PAQR3: variants seen among roughly 807,000 people sequenced by gnomAD.
PAQR3 encodes Raf kinase trapping to Golgi.
A neutral mutation model predicts 41.7 loss-of-function variants in PAQR3; 39 were observed. That is an observed-to-expected ratio of 0.93 (90% CI 0.72 to 1.22). PAQR3 has a LOEUF of 1.22. PAQR3 is among the 50% of genes most tolerant of loss of function. PAQR3 has a pLI of 0.00. For missense variants in PAQR3, 366 were observed against 385.6 expected (o/e 0.95, Z 0.42); for synonymous variants, 140 against 140.6 (o/e 1.00, Z 0.03).
chr4:78,936,801 A>G (rs141697720), intron 1 of PAQR3, among the ~76,000 whole-genome samples: 51 of 152,316 alleles, frequency 3.3e-4, no homozygotes, highest in African/African-American at 1.1e-3. Context: ...CTGAACTGAG[A>G]GGCACCACCT....
rs201178316 is a variant in PAQR3 at position 78,926,286 on chromosome 4, A to AT, written c.702+234dup. 3.7e-3 allele frequency among the ~76,000 whole-genome samples: 559 copies of AT among 151,170 alleles called. 2 individuals are homozygous for AT. The highest frequency in any genetic ancestry group is 4.7e-3 in the Non-Finnish European group (315 of 67,676). ...TAAGGGTAATAGAGAATAATAATGTATTTTTTTTTACAGAAAGACAACTCA... is the reference window on the plus strand; with the variant it reads ...TAAGGGTAATAGAGAATAATAATGTATTTTTTTTTTACAGAAAGACAACTCA... On this transcript the variant is annotated intron_variant, in intron 4 of 5. Coordinates refer to ENST00000512733, the MANE Select transcript of PAQR3 (RefSeq NM_001040202.2).
chr4:78,897,353 G>T (rs923274577), intron 11 of PAQR3, among the ~76,000 whole-genome samples: 3 of 151,926 alleles, frequency 2.0e-5, no homozygotes, highest in Admixed American at 6.6e-5. Flanking sequence ...TTAAATTATG[G>T]CTTATTTAGT....
intron 11 of PAQR3, among the ~76,000 whole-genome samples, chr4:78,892,335 T>C (rs1733483135): frequency 6.6e-6 from 1 of 152,232 alleles, no homozygotes; most frequent in Admixed American, 6.5e-5. Flanking sequence ...AAGAAATTTG[T>C]ACATTTCACT....
intron 11 of PAQR3, among the ~76,000 whole-genome samples, chr4:78,905,826 A>G (rs991308114): frequency 6.6e-6 from 1 of 151,874 alleles, no homozygotes; most frequent in Non-Finnish European, 1.5e-5. Context: ...TTTTTTTTAA[A>G]TTATAGGAAT....
Position 78,939,417 on chromosome 4 carries a change from C to G in PAQR3, c.-193G>C, listed in dbSNP as rs952575266. 14 of 280,676 alleles carry G rather than the reference C, an allele frequency of 5.0e-5. No homozygotes were observed. Among genetic ancestry groups the G allele is most frequent in the African/African-American group, 3.2e-4 (14 of 44,324 alleles). 17.4% of individuals were successfully genotyped at this position (280,676 alleles called of 1,614,324 possible). On this transcript the variant is annotated 5_prime_UTR_variant, in exon 1 of 6. Transcript: ENST00000512733. ...ACTGCCGCCAGCGCCGCGGCGGACC[C>G]GGCAGCGTCGCAGCCTCCTCTGACG... is the stretch of plus-strand genomic sequence containing the variant.
chr4:78,904,663 T>C (rs1387578415), intron 11 of PAQR3, among the ~76,000 whole-genome samples: 1 of 151,922 alleles, frequency 6.6e-6, no homozygotes, highest in African/African-American at 2.4e-5. Context: ...TTGCTCTCAT[T>C]TTCAGATAGT....
chr4:78,890,547 T>C (rs540938306), intron 11 of PAQR3, among the ~76,000 whole-genome samples: 2 of 152,348 alleles, frequency 1.3e-5, no homozygotes, highest in South Asian at 2.1e-4. Context: ...ATCTATCCCA[T>C]GATCACATTT....
intron 11 of PAQR3, among the ~76,000 whole-genome samples, chr4:78,900,430 G>T (rs1297565049): frequency 6.6e-6 from 1 of 152,158 alleles, no homozygotes; most frequent in Non-Finnish European, 1.5e-5. Context: ...GAAAGTGAAG[G>T]AAGGAGAAGG....
rs74463924 is a variant in PAQR3, at chr4:78,922,919, G to A, written c.793+938C>T. On this transcript the variant is annotated intron_variant, in intron 5 of 5. Transcript: ENST00000512733. ...AAAGTTCTCAAACAAGCAAATACAG[G>A]TTTTGGAGACTGTTGTTCACTCCAC... is the stretch of plus-strand genomic sequence containing the variant. 6.9e-4 allele frequency: 313 copies of A among 456,190 alleles called. 1 individual carries two copies. Among genetic ancestry groups the A allele is most frequent in the African/African-American group, 5.0e-3 (253 of 50,116 alleles). The allele number at this position is 456,190 out of a possible 1,614,324, so 28.3% of individuals were successfully genotyped here.
rs917959585 is a variant in PAQR3, at chr4:78,920,181, A to C, written c.*358T>G. 2.0e-6 allele frequency: 2 copies of C among 998,458 alleles called. No individual in the cohort carries two copies. The highest frequency in any genetic ancestry group is 3.5e-5 in the African/African-American group (2 of 57,744). 61.8% of individuals were successfully genotyped at this position (998,458 alleles called of 1,614,324 possible). On this transcript the variant is annotated 3_prime_UTR_variant, in exon 6 of 6. Coordinates refer to ENST00000512733, the MANE Select transcript of PAQR3 (RefSeq NM_001040202.2). ...ATTAACTGAAAATAATTAAGCACAT[A>C]AGATGACTCCATTTTCTAATGGACA...
At chr4:78,911,552 C>T, downstream of PAQR3, 2 of 1,613,980 alleles carry the variant, frequency 1.2e-6, no homozygotes, top group Admixed American at 1.7e-5. Context: ...GGCACGCCAA[C>T]TAGCACAAAG....
rs759288681 is a variant in PAQR3 at position 78,926,529 on chromosome 4, T to C, written c.694A>G (p.Ile232Val). The C allele has an allele frequency of 1.3e-5, 21 of 1,607,526 alleles. No homozygotes were observed. The highest frequency in any genetic ancestry group is 4.0e-5 in the African/African-American group (3 of 74,338). The part of the protein sequence containing the change: ...VWLNGGIGAP[I>V]VQDFAPRVIV... Reference sequence around the variant, plus strand: ...AACTACACTCAACCTACCTGTACAATAGGAGCACCAATTCCTCCATTGAGC... The same window carrying C: ...AACTACACTCAACCTACCTGTACAACAGGAGCACCAATTCCTCCATTGAGC... Residue 232 changes from isoleucine to valine, a missense_variant, in exon 4 of 6, where the codon ATT (isoleucine) becomes GTT (valine). Ile to Val is a conservative substitution (Grantham distance 29, BLOSUM62 3). Coordinates refer to ENST00000512733, the MANE Select transcript of PAQR3 (RefSeq NM_001040202.2).
chr4:78,910,259 G>A (rs1470520419), downstream of PAQR3, among the ~76,000 whole-genome samples: 1 of 152,206 alleles, frequency 6.6e-6, no homozygotes, highest in Non-Finnish European at 1.5e-5. Flanking sequence ...TGTGAAATCT[G>A]AGCTTTCAGA....
At chr4:78,937,820 G>C (rs1283188215) in intron 1 of PAQR3, among the ~76,000 whole-genome samples, 1 of 152,192 alleles carries the variant, frequency 6.6e-6, no homozygotes, top group Non-Finnish European at 1.5e-5. Context: ...CCTAACATCA[G>C]AACGCAGAAG....
Position 78,917,911 on chromosome 4 carries a change from T to C in PAQR3, c.*2628A>G. ...ATATGATTTTAAAGCTGTTATGTAT[T>C]ACAAAGAATGACAAGCAGCAGTTAA... On this transcript the variant is annotated 3_prime_UTR_variant, in exon 6 of 6. Coordinates refer to ENST00000512733, the MANE Select transcript of PAQR3 (RefSeq NM_001040202.2). 4.1e-6 allele frequency: 4 copies of C among 984,216 alleles called. No individual in the cohort carries two copies. Among genetic ancestry groups the C allele is most frequent in the Non-Finnish European group, 4.8e-6 (4 of 828,530 alleles). The allele number at this position is 984,216 out of a possible 1,614,324, so 61.0% of individuals were successfully genotyped here. A position where few individuals can be genotyped will look rare whatever the true frequency, so the allele number is the denominator to read the frequency against.
intron 2 of PAQR3, among the ~76,000 whole-genome samples, chr4:78,932,287 T>G (rs763694176): frequency 3.9e-5 from 6 of 152,324 alleles, no homozygotes; most frequent in Non-Finnish European, 7.4e-5. Context: ...GTTAGTTATT[T>G]AAACGTAACT....
At chr4:78,925,149 A>T (rs763827364) in intron 4 of PAQR3, among the ~76,000 whole-genome samples, 1 of 152,062 alleles carries the variant, frequency 6.6e-6, no homozygotes, top group Non-Finnish European at 1.5e-5. Context: ...TATCTAAGCC[A>T]TCTTTCCATT....
chr4:78,890,819 T>G (rs1425961652), intron 11 of PAQR3, among the ~76,000 whole-genome samples: 9 of 152,216 alleles, frequency 5.9e-5, no homozygotes, highest in Non-Finnish European at 1.3e-4. Context: ...CTGGAGCTCT[T>G]CTCATCCTTT....
chr4:78,898,928 A>G (rs1377805973), intron 11 of PAQR3: 1 of 152,180 alleles, frequency 6.6e-6, no homozygotes, highest in Non-Finnish European at 1.5e-5. Flanking sequence ...TGAGCCCAGT[A>G]GTTCTGGACT....
Sources: allele counts gnomAD v4.1 joint callset (sites outside exome capture counted in the v4.1 genomes callset), GRCh38; gene constraint gnomAD v4.1.1; transcripts MANE v1.5; gene names NCBI Gene and HGNC (gene_info 2026-07-23, HGNC 2026-07-21).